Variants in SUCLG2 observed in about 807,000 individuals in gnomAD.
SUCLG2 encodes succinate-CoA ligase GDP-forming subunit beta.
SUCLG2 carries 42 observed loss-of-function variants against 47.9 expected under a neutral mutation model. The ratio of observed to expected loss-of-function variants is 0.88; its 90% CI spans 0.69 to 1.14. The LOEUF is 1.14. Among genes scored for constraint, SUCLG2 ranks in the 50% most tolerant of loss-of-function variants. The pLI is 0.00. For synonymous variants in SUCLG2, 195 were observed against 197.3 expected (o/e 0.99, Z 0.10); for missense variants, 571 against 525.9 (o/e 1.09, Z -0.84).
intron 6 of SUCLG2, among the ~76,000 whole-genome samples, chr3:67,515,461 A>G (rs2107116353): frequency 6.6e-6 from 1 of 152,324 alleles, no homozygotes; most frequent in African/African-American, 2.4e-5. Flanking sequence ...GCAAAGTATC[A>G]TCTTTATTTT....
chr3:67,393,895 G>C (rs1425374094), intron 10 of SUCLG2, among the ~76,000 whole-genome samples: 1 of 152,170 alleles, frequency 6.6e-6, no homozygotes, highest in Non-Finnish European at 1.5e-5. Context: ...CACCGCCACT[G>C]ATACCCAGGC....
chr3:67,575,193 T>A (rs897399047), intron 2 of SUCLG2, among the ~76,000 whole-genome samples: 2 of 152,182 alleles, frequency 1.3e-5, no homozygotes, highest in African/African-American at 4.8e-5. Context: ...ATAATTCCAA[T>A]CCTAGGTATC....
chr3:67,556,274 G>A (rs1288933374), intron 2 of SUCLG2, among the ~76,000 whole-genome samples: 1 of 152,136 alleles, frequency 6.6e-6, no homozygotes, highest in Non-Finnish European at 1.5e-5. Context: ...TGTGTCCTGG[G>A]GGGCAGCAGT....
intron 10 of SUCLG2, among the ~76,000 whole-genome samples, chr3:67,398,327 A>AAAAAC (rs908869751): frequency 2.6e-5 from 4 of 151,184 alleles, no homozygotes; most frequent in Admixed American, 6.6e-5. Context: ...TTTACAAGAA[A>AAAAAC]AAAACAAACA....
At chr3:67,377,796 G>A (rs1471201371) in intron 10 of SUCLG2, among the ~76,000 whole-genome samples, 4 of 152,154 alleles carry the variant, frequency 2.6e-5, no homozygotes, top group African/African-American at 9.7e-5. Context: ...TGAGACTAAA[G>A]GCACACATCA....
chr3:67,450,267 C>T (rs529872882), intron 9 of SUCLG2, among the ~76,000 whole-genome samples: 63 of 152,254 alleles, frequency 4.1e-4, no homozygotes, highest in African/African-American at 1.4e-3. Flanking sequence ...ATCTCGAACA[C>T]CTGGGCTGAA....
downstream of SUCLG2, among the ~76,000 whole-genome samples, chr3:67,370,976 T>C (rs1390642595): frequency 2.0e-5 from 3 of 152,216 alleles, no homozygotes; most frequent in Non-Finnish European, 4.4e-5. Flanking sequence ...CAACTAGTTA[T>C]AAGGATTTAA....
chr3:67,606,132 G>C (rs1002352769), intron 2 of SUCLG2, among the ~76,000 whole-genome samples: 1 of 152,092 alleles, frequency 6.6e-6, no homozygotes, highest in Non-Finnish European at 1.5e-5. Flanking sequence ...TCGAGCCCAG[G>C]AGTTCGAGAT....
At chr3:67,599,136 G>C (rs1370510072) in intron 2 of SUCLG2, among the ~76,000 whole-genome samples, 2 of 152,158 alleles carry the variant, frequency 1.3e-5, no homozygotes, top group Non-Finnish European at 2.9e-5. Flanking sequence ...TTATTACTAA[G>C]CCCATTTTAC....
intron 2 of SUCLG2, among the ~76,000 whole-genome samples, chr3:67,592,889 G>A (rs991227202): frequency 3.9e-5 from 6 of 152,086 alleles, no homozygotes; most frequent in African/African-American, 1.2e-4. Flanking sequence ...AATCCTGATG[G>A]GTTAGGCCTT....
At chr3:67,523,929 G>C (rs769812212) in intron 4 of SUCLG2, among the ~76,000 whole-genome samples, 2 of 152,148 alleles carry the variant, frequency 1.3e-5, no homozygotes. Context: ...GTTGACAGAC[G>C]TGCTCTGTAT....
intron 4 of SUCLG2, among the ~76,000 whole-genome samples, chr3:67,522,479 A>C (rs1005145989): frequency 6.6e-6 from 1 of 152,004 alleles, no homozygotes; most frequent in African/African-American, 2.4e-5. Flanking sequence ...TCTAGGTTTT[A>C]AACTGTGAAT....
At chr3:67,626,957 G>T (rs964975899) in intron 1 of SUCLG2, among the ~76,000 whole-genome samples, 1 of 147,640 alleles carries the variant, frequency 6.8e-6, no homozygotes, top group East Asian at 2.0e-4. Context: ...TCAGACAGAC[G>T]TGAGAGGACA....
intron 7 of SUCLG2, among the ~76,000 whole-genome samples, chr3:67,501,634 G>A (rs979058899): frequency 3.3e-5 from 5 of 152,054 alleles, no homozygotes; most frequent in African/African-American, 1.2e-4. Context: ...TCGCCAGAAA[G>A]ACCAAACTAT....
intron 1 of SUCLG2, among the ~76,000 whole-genome samples, chr3:67,638,695 A>C (rs1240530677): frequency 6.6e-6 from 1 of 152,272 alleles, no homozygotes. Flanking sequence ...TGTAAGGCAC[A>C]GAAGAAATCA....
intron 10 of SUCLG2, among the ~76,000 whole-genome samples, chr3:67,398,685 G>T (rs1305896871): frequency 6.6e-6 from 1 of 152,100 alleles, no homozygotes; most frequent in Non-Finnish European, 1.5e-5. Context: ...ATACCCAAAG[G>T]ACTATAAATC....
chr3:67,433,453 T>C (rs1028829052), intron 9 of SUCLG2, among the ~76,000 whole-genome samples: 1 of 152,148 alleles, frequency 6.6e-6, no homozygotes, highest in East Asian at 1.9e-4. Flanking sequence ...AGGATAAAGA[T>C]AGGAAGGTGC....
chr3:67,494,953 A>C (rs1054903446), intron 9 of SUCLG2, among the ~76,000 whole-genome samples: 12 of 152,362 alleles, frequency 7.9e-5, no homozygotes, highest in African/African-American at 2.9e-4. Flanking sequence ...CACATGAAGC[A>C]GCAATAGTAA....
intron 9 of SUCLG2, among the ~76,000 whole-genome samples, chr3:67,417,232 A>T (rs543367817): frequency 6.6e-6 from 1 of 152,364 alleles, no homozygotes; most frequent in African/African-American, 2.4e-5. Context: ...TTTTTCATAA[A>T]TGTTTCATTT....
Sources: gnomAD v4.1 joint callset for allele counts (sites outside exome capture counted in the v4.1 genomes callset) on GRCh38, gnomAD v4.1.1 for gene constraint, MANE v1.5 for transcripts, NCBI Gene and HGNC (gene_info 2026-07-23, HGNC 2026-07-21) for gene names.